Variants in ZC3H3 observed in about 807,000 individuals in gnomAD.
The protein encoded by ZC3H3 is zinc finger CCCH-type containing 3, also known as zinc finger CCCH domain-containing protein 3.
A neutral mutation model predicts 77.3 loss-of-function variants in ZC3H3; 36 were observed. That is an observed-to-expected ratio of 0.47 (90% CI 0.36 to 0.61). The LOEUF (loss-of-function observed/expected upper bound fraction) is 0.61. Among genes scored for constraint, ZC3H3 ranks in the 20% least tolerant of loss-of-function variants. ZC3H3 has a pLI of 0.00. For missense variants in ZC3H3, 1,331 were observed against 1,312.2 expected (o/e 1.01, Z -0.22); for synonymous variants, 626 against 555.2 (o/e 1.13, Z -1.79).
At chr8:143,506,215 G>A (rs1168424357) in intron 4 of ZC3H3, among the ~76,000 whole-genome samples, 1 of 152,234 alleles carries the variant, frequency 6.6e-6, no homozygotes, top group African/African-American at 2.4e-5. Context: ...GAGAGGCCCT[G>A]CTGGGTCCGC....
rs953599642 is a variant in ZC3H3, at chr8:143,494,735, A to T, written c.1715+13011T>A. 6.6e-6 allele frequency among the ~76,000 whole-genome samples: 1 copy of T among 152,218 alleles called. No individual in the cohort carries two copies. Among genetic ancestry groups the T allele is most frequent in the Non-Finnish European group, 1.5e-5 (1 of 68,044 alleles). On this transcript the variant is annotated intron_variant, in intron 4 of 11. Transcript: ENST00000262577. This position sits in a 1 kb window ranked among gnomAD's most constrained non-coding sequence, Gnocchi z 5.3. The stretch of plus-strand genomic sequence containing the variant: ...ACCCTGAGACCCTGGGCAGGAACAA[A>T]GGCCTCATTCCACCAGGTAAGGCTG...
intron 8 of ZC3H3, 70 bp downstream of exon 8, chr8:143,468,139 G>A: frequency 1.3e-6 from 2 of 1,554,982 alleles, no homozygotes; most frequent in South Asian, 2.3e-5. Context: ...GGCACCATCT[G>A]CCCGGAGGCC....
chr8:143,484,824 A>T (rs746733585), intron 4 of ZC3H3: 4 of 445,826 alleles, frequency 9.0e-6, no homozygotes, highest in South Asian at 6.4e-5. Context: ...CACAGCAGAC[A>T]TCCCCCCACT....
intron 3 of ZC3H3, among the ~76,000 whole-genome samples, chr8:143,529,677 G>A (rs978081176): frequency 1.3e-5 from 2 of 152,202 alleles, no homozygotes; most frequent in African/African-American, 4.8e-5. Context: ...AGGGCTAGAG[G>A]GTGAGACCCA....
chr8:143,486,670 C>CACCAAGAAGCTCACACACAAA (rs1821062816), intron 4 of ZC3H3, among the ~76,000 whole-genome samples: 2 of 152,076 alleles, frequency 1.3e-5, no homozygotes, highest in Non-Finnish European at 2.9e-5. Context: ...ATGACCCCAC[C>CACCAAGAAGCTCACACACAAA]ACCAAGAAGC....
chr8:143,450,670 A>C (rs142104060), intron 9 of ZC3H3, among the ~76,000 whole-genome samples: 1 of 152,218 alleles, frequency 6.6e-6, no homozygotes, highest in East Asian at 1.9e-4. Flanking sequence ...GGAGGTCGAG[A>C]GAGGGAGGAG....
intron 3 of ZC3H3, among the ~76,000 whole-genome samples, chr8:143,510,870 G>A (rs975796188): frequency 6.6e-6 from 1 of 152,114 alleles, no homozygotes; most frequent in East Asian, 1.9e-4. Context: ...CACACTCCGC[G>A]CACATCAAAC....
At position 143,437,999 on chromosome 8, in the gene ZC3H3, C is replaced by G. The variant is rs959068392; in HGVS notation, c.*57G>C. On this transcript the variant is annotated 3_prime_UTR_variant, in exon 12 of 12. Coordinates refer to ENST00000262577, the MANE Select transcript of ZC3H3 (RefSeq NM_015117.3). ...TGTGGGGTAGAGTGGTGGACAGAGC[C>G]TCTTTCCTCTCCAAGGATGAGGGTC... 3 of 1,584,894 alleles carry G rather than the reference C, an allele frequency of 1.9e-6. No individual in the cohort carries two copies. The highest frequency in any genetic ancestry group is 1.3e-5 in the African/African-American group (1 of 74,540).
At chr8:143,454,737 G>A (rs954776602) in intron 9 of ZC3H3, among the ~76,000 whole-genome samples, 37 of 152,072 alleles carry the variant, frequency 2.4e-4, no homozygotes, top group African/African-American at 8.7e-4. Context: ...TTAAGTGCAT[G>A]CTATTCTGAG....
chr8:143,489,954 G>A (rs1244003532), intron 4 of ZC3H3, among the ~76,000 whole-genome samples: 2 of 152,082 alleles, frequency 1.3e-5, no homozygotes, highest in African/African-American at 4.8e-5. Flanking sequence ...TCCCTGGGCC[G>A]GTCCCTGGGC....
chr8:143,514,341 G>C (rs1223392309), intron 3 of ZC3H3, among the ~76,000 whole-genome samples: 1 of 152,144 alleles, frequency 6.6e-6, no homozygotes, highest in Non-Finnish European at 1.5e-5. Flanking sequence ...CCCCATCCTG[G>C]CTCGGGCCCT....
chr8:143,481,956 C>T (rs1012925393), intron 4 of ZC3H3, among the ~76,000 whole-genome samples: 1 of 152,252 alleles, frequency 6.6e-6, no homozygotes, highest in African/African-American at 2.4e-5. Context: ...GCTGGGTCTC[C>T]GCCCTGGTTC....
At chr8:143,439,391 T>C (rs900608352) in intron 11 of ZC3H3, among the ~76,000 whole-genome samples, 6 of 152,174 alleles carry the variant, frequency 3.9e-5, no homozygotes, top group Non-Finnish European at 7.3e-5. Flanking sequence ...TGGTCGCAAA[T>C]TTGCAGCCCG....
chr8:143,518,208 A>C (rs2130455583), intron 3 of ZC3H3, among the ~76,000 whole-genome samples: 1 of 152,184 alleles, frequency 6.6e-6, no homozygotes, highest in East Asian at 1.9e-4. Flanking sequence ...TCCACTGGGC[A>C]GTCCAGGCTG....
At position 143,462,341 on chromosome 8, in the gene ZC3H3, G is replaced by C. The variant is rs1820287815; in HGVS notation, c.2307+3376C>G. On this transcript the variant is annotated intron_variant, in intron 9 of 11. Coordinates refer to ENST00000262577, the MANE Select transcript of ZC3H3 (RefSeq NM_015117.3). This position sits in a 1 kb window ranked among gnomAD's most constrained non-coding sequence, Gnocchi z 4.7. ...AATGCAGGAGGCACTCTGTGACCAT[G>C]GGTGGAGACTGGTCCTAAACAAGAC... 6.6e-6 allele frequency among the ~76,000 whole-genome samples: 1 copy of C among 152,234 alleles called. No individual in the cohort carries two copies. Among genetic ancestry groups the C allele is most frequent in the Non-Finnish European group, 1.5e-5 (1 of 68,038 alleles).
At chr8:143,526,482 C>G (rs780867930) in intron 3 of ZC3H3, among the ~76,000 whole-genome samples, 1 of 152,200 alleles carries the variant, frequency 6.6e-6, no homozygotes, top group African/African-American at 2.4e-5. Flanking sequence ...GCCCAGCACG[C>G]GATTGGACTT....
At chr8:143,455,450 T>C (rs1304398583) in intron 9 of ZC3H3, among the ~76,000 whole-genome samples, 1 of 151,868 alleles carries the variant, frequency 6.6e-6, no homozygotes, top group East Asian at 1.9e-4. Context: ...GGACAGAGGT[T>C]GTGCCACTGC....
At chr8:143,477,247 G>A (rs955728564) in intron 4 of ZC3H3, among the ~76,000 whole-genome samples, 3 of 152,210 alleles carry the variant, frequency 2.0e-5, no homozygotes, top group Non-Finnish European at 4.4e-5. Flanking sequence ...GTACAAGCAC[G>A]GCGGCTGGAG....
Position 143,538,123 on chromosome 8 carries a change from G to C in ZC3H3, c.1244C>G (p.Pro415Arg). Residue 415 changes from proline (P) to arginine (R), a missense_variant, in exon 2 of 12, where the codon CCG becomes CGG. By Grantham distance (103) the Pro-to-Arg change is moderately radical. Coordinates refer to ENST00000262577, the MANE Select transcript of ZC3H3 (RefSeq NM_015117.3). ...SQLSPVLSRS[P>R]SGDRPAVGHS... is the part of the protein sequence containing the mutation. Reference sequence around the variant, plus strand: ...TCCTACTGCTGGTCTGTCCCCCGACGGGGACCTAGACAGGACTGGGGAGAG... The same window carrying C: ...TCCTACTGCTGGTCTGTCCCCCGACCGGGACCTAGACAGGACTGGGGAGAG... 3 of 1,613,158 alleles carry C rather than the reference G, an allele frequency of 1.9e-6. No individual in the cohort carries two copies. The highest frequency in any genetic ancestry group is 2.5e-6 in the Non-Finnish European group (3 of 1,180,026).
Sources: allele counts gnomAD v4.1 joint callset (sites outside exome capture counted in the v4.1 genomes callset), GRCh38; gene constraint gnomAD v4.1.1; non-coding constraint Gnocchi (gnomAD v3.1); transcripts MANE v1.5; gene names NCBI Gene and HGNC (gene_info 2026-07-23, HGNC 2026-07-21).